Variants in SMYD3 observed in about 807,000 individuals in gnomAD.
The protein encoded by SMYD3 is SET and MYND domain containing 3, also known as histone-lysine N-methyltransferase SMYD3.
A neutral mutation model predicts 57.7 loss-of-function variants in SMYD3; 36 were observed. The observed-to-expected ratio is 0.62, with a 90% CI of 0.48 to 0.82. The LOEUF (loss-of-function observed/expected upper bound fraction) is 0.82, where lower values mean the gene tolerates loss of function less well. Ranked by LOEUF, SMYD3 falls within the 40% of genes least tolerant of loss-of-function variation. The probability of loss-of-function intolerance (pLI) is 0.00; values close to 1 mark genes in which losing one functional copy is unlikely to be tolerated. For synonymous variants in SMYD3, 211 were observed against 195.0 expected (o/e 1.08, Z -0.68); for missense variants, 515 against 538.8 (o/e 0.96, Z 0.44).
At chr1:245,913,981 G>A (rs2055210177) in intron 8 of SMYD3, among the ~76,000 whole-genome samples, 1 of 152,104 alleles carries the variant, frequency 6.6e-6, no homozygotes, top group Non-Finnish European at 1.5e-5. Flanking sequence ...ACAAATGCTG[G>A]CAAGGATGTG....
chr1:246,288,118 G>A (rs187602819), intron 5 of SMYD3, among the ~76,000 whole-genome samples: 2 of 128,126 alleles, frequency 1.6e-5, no homozygotes, highest in East Asian at 5.1e-4. Context: ...CTGTCACCCA[G>A]GCTGGAGTAC....
At chr1:246,247,131 C>T (rs1374691299) in intron 5 of SMYD3, among the ~76,000 whole-genome samples, 2 of 151,998 alleles carry the variant, frequency 1.3e-5, no homozygotes, top group Non-Finnish European at 2.9e-5. Context: ...CTGTAGTCAG[C>T]TGTGTTGTAT....
At position 246,282,305 on chromosome 1, in the gene SMYD3, C is replaced by CAAAAAAAAAAAAAAAA. The variant is rs57740230; in HGVS notation, c.531+44880_531+44895dup. Reference sequence around the variant, plus strand: ...CAACATGGCAAGACCCTCATCTCTACAAAAAAAAAAAAAAAAAAAAAAAAA... The same window carrying CAAAAAAAAAAAAAAAA: ...CAACATGGCAAGACCCTCATCTCTACAAAAAAAAAAAAAAAAAAAAAAAAAAAAAAAAAAAAAAAAA... On this transcript the variant is annotated intron_variant, in intron 5 of 11. Transcript: ENST00000490107. 7.7e-4 allele frequency among the ~76,000 whole-genome samples: 52 copies of CAAAAAAAAAAAAAAAA among 67,926 alleles called. 1 individual carries two copies. The highest frequency in any genetic ancestry group is 1.0e-3 in the South Asian group (2 of 1,976). The allele number at this position is 67,926 out of a possible 152,430, so 44.6% of individuals were successfully genotyped here. A position where few individuals can be genotyped will look rare whatever the true frequency, so the allele number is the denominator to read the frequency against.
chr1:246,035,288 T>C (rs1254866608), intron 5 of SMYD3: 1 of 152,250 alleles, frequency 6.6e-6, no homozygotes, highest in African/African-American at 2.4e-5. Context: ...ACATATGCTT[T>C]CAGAATGGCG....
At chr1:246,393,826 G>C (rs1282239542) in intron 1 of SMYD3, among the ~76,000 whole-genome samples, 1 of 152,090 alleles carries the variant, frequency 6.6e-6, no homozygotes, top group East Asian at 1.9e-4. Flanking sequence ...CTGCACTCCG[G>C]CCTGTGCAAG....
intron 5 of SMYD3, among the ~76,000 whole-genome samples, chr1:245,953,022 A>G (rs1250611781): frequency 6.6e-6 from 1 of 152,186 alleles, no homozygotes; most frequent in Non-Finnish European, 1.5e-5. Flanking sequence ...GTAGGTGGCA[A>G]TTAGAGGCTG....
chr1:245,847,089 G>C (rs898518873), intron 10 of SMYD3, among the ~76,000 whole-genome samples: 1 of 152,142 alleles, frequency 6.6e-6, no homozygotes, highest in African/African-American at 2.4e-5. Flanking sequence ...ACCTGGCTGG[G>C]CCATTTCCCT....
rs1436227661 is a variant in SMYD3 at position 246,107,286 on chromosome 1, CAA to C, written c.532-177351_532-177350del. The stretch of plus-strand genomic sequence containing the variant: ...TGGGTGACAGAGCAAGATTCCATCG[CAA>C]AAAAAGAAAAAAAAAAAGAATTTTG... On this transcript the variant is annotated intron_variant, in intron 5 of 11. Coordinates refer to ENST00000490107, the MANE Select transcript of SMYD3 (RefSeq NM_001167740.2). Among the ~76,000 whole-genome samples, 16 of 145,068 alleles carry C rather than the reference CAA, an allele frequency of 1.1e-4. No individual in the cohort carries two copies. The South Asian group carries it at 3.5e-3, about 32-fold the overall frequency.
At chr1:245,887,020 T>A (rs762799525) in intron 8 of SMYD3, among the ~76,000 whole-genome samples, 1 of 152,184 alleles carries the variant, frequency 6.6e-6, no homozygotes, top group Non-Finnish European at 1.5e-5. Flanking sequence ...GTCAGAAGCA[T>A]GTGAACCAGA....
intron 5 of SMYD3, among the ~76,000 whole-genome samples, chr1:245,983,087 T>TCC (rs1340530596): frequency 6.6e-6 from 1 of 152,132 alleles, no homozygotes; most frequent in Non-Finnish European, 1.5e-5. Context: ...ACGTGATCTT[T>TCC]CCCCCCATGC....
chr1:246,284,000 G>A (rs1482856117), intron 5 of SMYD3, among the ~76,000 whole-genome samples: 1 of 152,080 alleles, frequency 6.6e-6, no homozygotes, highest in Non-Finnish European at 1.5e-5. Flanking sequence ...AATCAAACAA[G>A]GTAAATTACT....
intron 5 of SMYD3, among the ~76,000 whole-genome samples, chr1:245,958,162 A>T (rs1048859437): frequency 6.6e-6 from 1 of 152,188 alleles, no homozygotes; most frequent in African/African-American, 2.4e-5. Context: ...GAGGCTTCTA[A>T]GGCTCAAAGA....
chr1:246,132,327 T>C (rs1264303871), intron 5 of SMYD3, among the ~76,000 whole-genome samples: 2 of 152,078 alleles, frequency 1.3e-5, no homozygotes, highest in Non-Finnish European at 2.9e-5. Context: ...AAAAAAACAA[T>C]CCATGTACAT....
At chr1:245,902,500 C>T (rs2054256296) in intron 8 of SMYD3, among the ~76,000 whole-genome samples, 1 of 152,198 alleles carries the variant, frequency 6.6e-6, no homozygotes, top group Non-Finnish European at 1.5e-5. Context: ...GAGGACAGGC[C>T]TGGGTCAACC....
intron 1 of SMYD3, among the ~76,000 whole-genome samples, chr1:246,446,841 A>G (rs2067557031): frequency 1.3e-5 from 2 of 152,140 alleles, no homozygotes; most frequent in South Asian, 4.2e-4. Flanking sequence ...CATCCTGGCT[A>G]ACATGATGAA....
intron 1 of SMYD3, among the ~76,000 whole-genome samples, chr1:246,386,865 T>G (rs2066491262): frequency 6.6e-6 from 1 of 150,894 alleles, no homozygotes; most frequent in Non-Finnish European, 1.5e-5. Flanking sequence ...TACAATCCTA[T>G]GTTATACAAT....
At chr1:246,010,742 T>C (rs1288168367) in intron 5 of SMYD3, among the ~76,000 whole-genome samples, 1 of 152,252 alleles carries the variant, frequency 6.6e-6, no homozygotes, top group Admixed American at 6.5e-5. Flanking sequence ...AATTGTTCCA[T>C]ATGTAGCTGT....
chr1:245,812,900 C>G (rs2048559300), intron 10 of SMYD3, among the ~76,000 whole-genome samples: 1 of 149,804 alleles, frequency 6.7e-6, no homozygotes, highest in African/African-American at 2.5e-5. Context: ...TAAATCTCAT[C>G]TAGTGGGCAA....
rs1399345267 is a variant in SMYD3, at chr1:246,114,630, G to A, written c.532-184693C>T. On this transcript the variant is annotated intron_variant, in intron 5 of 11. Coordinates refer to ENST00000490107, the MANE Select transcript of SMYD3 (RefSeq NM_001167740.2). ...GCTTCCCGCTAATAAACTTGTTCTC[G>A]TTTTTGTTGTTGTTGTTTCGAGATG... Among the ~76,000 whole-genome samples the A allele has an allele frequency of 4.6e-5, 7 of 152,148 alleles. No homozygotes were observed. In the South Asian group the frequency reaches 8.3e-4, roughly 18 times the overall value.
Sources: gnomAD v4.1 joint callset for allele counts (sites outside exome capture counted in the v4.1 genomes callset) on GRCh38, gnomAD v4.1.1 for gene constraint, MANE v1.5 for transcripts, NCBI Gene and HGNC (gene_info 2026-07-23, HGNC 2026-07-21) for gene names.